Variants in METTL9 observed in about 807,000 individuals in gnomAD.
The protein encoded by METTL9 is protein-L-histidine N-pros-methyltransferase.
In METTL9, 10 loss-of-function variants were observed where a neutral mutation model predicts 36.0. The observed-to-expected ratio is 0.28, with a 90% CI of 0.17 to 0.47. The LOEUF is 0.47. Ranked by LOEUF, METTL9 falls within the 20% of genes least tolerant of loss-of-function variation. The pLI, the probability that METTL9 is intolerant of heterozygous loss-of-function variation, is 0.99. For missense variants in METTL9, 246 were observed against 383.5 expected, an observed-to-expected ratio of 0.64 and a Z score of 3.00; for synonymous variants, 175 against 149.7, an observed-to-expected ratio of 1.17 and a Z score of -1.23.
In METTL9 at chr16:21,617,869, C is replaced by T. The variant is rs757497294; in HGVS notation, c.361C>T (p.Leu121=). ...TTTGTCCTTTTTTTCTTTCAGGTTG[C>T]TAGGAAGAGGCTCAATGTTTGTGTT... The part of the protein sequence containing the change: ...FMSRTSINGL[L]GRGSMFVFSP... Residue 121 remains leucine, a synonymous_variant, in exon 3 of 5, where the codon CTA becomes TTA. Coordinates refer to ENST00000358154, the MANE Select transcript of METTL9 (RefSeq NM_016025.5). 6.2e-7 allele frequency: 1 copy of T among 1,613,676 alleles called. No individual in the cohort carries two copies. The highest frequency in any genetic ancestry group is 2.2e-5 in the East Asian group (1 of 44,838).
rs990122522 is a variant in METTL9, at chr16:21,626,978, T to C, written c.751+1863T>C. On this transcript the variant is annotated intron_variant, in intron 4 of 4. Coordinates refer to ENST00000358154, the MANE Select transcript of METTL9 (RefSeq NM_016025.5). ...AAACTAGACAAGAGGGAAGTCTCCA[T>C]GAAGTGTGGAAAACAAGCTCCTTGA... The C allele has an allele frequency of 6.1e-6, 6 of 985,288 alleles. No individual in the cohort carries two copies. The African/African-American group carries it at 1.0e-4, about 17-fold the overall frequency. The allele number at this position is 985,288 out of a possible 1,614,324, so 61.0% of individuals were successfully genotyped here.
intron 4 of METTL9, chr16:21,647,464 G>A (rs368474150): frequency 1.0e-4 from 163 of 1,613,732 alleles, no homozygotes; most frequent in Non-Finnish European, 1.3e-4. Flanking sequence ...ACGGTTGTGT[G>A]ACAGAGAGAG....
At chr16:21,633,092 A>G (rs1469670042) in intron 4 of METTL9, among the ~76,000 whole-genome samples, 1 of 152,066 alleles carries the variant, frequency 6.6e-6, no homozygotes, top group Non-Finnish European at 1.5e-5. Flanking sequence ...TAGTCAGCAA[A>G]AGCCCGTGAT....
At chr16:21,626,508 G>C (rs1965817961) in intron 4 of METTL9, among the ~76,000 whole-genome samples, 1 of 152,096 alleles carries the variant, frequency 6.6e-6, no homozygotes, top group Non-Finnish European at 1.5e-5. Flanking sequence ...GTTGATAATG[G>C]GGAAAATGGG....
At chr16:21,612,516 T>C (rs1260040505) in intron 1 of METTL9, 129 bp from the exon 2 acceptor site, 1 of 796,908 alleles carries the variant, frequency 1.3e-6, no homozygotes, top group Non-Finnish European at 1.8e-6. Context: ...ATTCTCAGAG[T>C]ATCATGAGAT....
rs1378611022 is a variant in METTL9 at position 21,625,104 on chromosome 16, A to G, written c.740A>G (p.Tyr247Cys). 8 of 1,613,958 alleles carry G rather than the reference A, an allele frequency of 5.0e-6. No individual in the cohort carries two copies. The highest frequency in any genetic ancestry group is 1.7e-5 in the Admixed American group (1 of 59,990). ...GCCCTTGTCCTCCCCTTTCATCCCT[A>G]TGTGGAAAACGGTAAGTGTGGTCAG... ...ILALVLPFHP[Y>C]VENVGGKWEK... The change falls in exon 4 of 5, where the codon TAT (tyrosine) becomes TGT (cysteine). Residue 247 changes from tyrosine to cysteine, a missense_variant. Transcript: ENST00000358154.
intron 2 of METTL9, among the ~76,000 whole-genome samples, chr16:21,613,168 CTTTTTTTTTTT>C (rs57388340): frequency 1.1e-3 from 100 of 91,416 alleles, no homozygotes; most frequent in Non-Finnish European, 1.3e-3. Context: ...TGAGAGTCTG[CTTTTTTTTTTT>C]TTTTTTTTTT....
intron 1 of METTL9, among the ~76,000 whole-genome samples, chr16:21,611,595 G>C (rs914531445): frequency 6.6e-6 from 1 of 152,150 alleles, no homozygotes; most frequent in African/African-American, 2.4e-5. Context: ...TATTATTGTA[G>C]GATTCTCACT....
chr16:21,648,671 G>A (rs1363875030), intron 4 of METTL9, among the ~76,000 whole-genome samples: 3 of 152,184 alleles, frequency 2.0e-5, no homozygotes, highest in Non-Finnish European at 4.4e-5. Context: ...GGAAAGACCC[G>A]CCCTAAACCC....
rs534418839 is a variant in METTL9, at chr16:21,617,815, G to C, written c.357-50G>C. The C allele has an allele frequency of 2.0e-5, 29 of 1,447,844 alleles. No homozygotes were observed. The African/African-American group carries it at 2.5e-4, about 13-fold the overall frequency. The allele number at this position is 1,447,844 out of a possible 1,614,324, so 89.7% of individuals were successfully genotyped here. On this transcript the variant is annotated intron_variant, in intron 2 of 4. Transcript: ENST00000358154. ...ATTCACTTTGTGTGTGTATGTGAGG[G>C]GTGCTTAATTTGCATAGACACTTCC...
chr16:21,613,622 T>G (rs1965486483), intron 2 of METTL9, among the ~76,000 whole-genome samples: 1 of 152,162 alleles, frequency 6.6e-6, no homozygotes, highest in Non-Finnish European at 1.5e-5. Flanking sequence ...GATCTTTGCC[T>G]TAAACATACT....
chr16:21,613,022 C>T (rs545346646), intron 2 of METTL9, among the ~76,000 whole-genome samples, 187 bp downstream of exon 2: 3 of 152,182 alleles, frequency 2.0e-5, no homozygotes, highest in South Asian at 2.1e-4. Context: ...TTCACCATAA[C>T]GTGACAGCCT....
intron 4 of METTL9, among the ~76,000 whole-genome samples, chr16:21,632,899 G>A (rs1375315857): frequency 2.6e-5 from 4 of 152,170 alleles, no homozygotes; most frequent in African/African-American, 7.2e-5. Flanking sequence ...TCTCTGTGAT[G>A]TATAAAGAGA....
At chr16:21,613,457 G>T (rs1038363526) in intron 2 of METTL9, among the ~76,000 whole-genome samples, 1 of 151,992 alleles carries the variant, frequency 6.6e-6, no homozygotes, top group African/African-American at 2.4e-5. Context: ...GGGATTATGG[G>T]TGGGAGCCAC....
rs764146949 is a variant in METTL9, at chr16:21,618,072, C to T, written c.564C>T (p.Tyr188=). The T allele has an allele frequency of 1.3e-6, 2 of 1,553,456 alleles. No homozygotes were observed. Among genetic ancestry groups the T allele is most frequent in the Non-Finnish European group, 1.7e-6 (2 of 1,156,034 alleles). Residue 188 remains tyrosine, a splice_region_variant and synonymous_variant, in exon 3 of 5, where the codon TAC becomes TAT. Coordinates refer to ENST00000358154, the MANE Select transcript of METTL9 (RefSeq NM_016025.5). ...TMIWQLQKKK[Y]RVLGINEWQN... ...TATGGCAGCTTCAGAAAAAGAAATA[C>T]AGGTATAATTTTCTTGGTTTTAGAT...
chr16:21,639,121 A>G (rs1212247617), intron 4 of METTL9, among the ~76,000 whole-genome samples: 5 of 152,232 alleles, frequency 3.3e-5, no homozygotes, highest in East Asian at 1.9e-4. Flanking sequence ...TGAAGTTTGA[A>G]AATATATACT....
intron 3 of METTL9, among the ~76,000 whole-genome samples, chr16:21,623,878 C>G (rs755811420): frequency 8.5e-5 from 13 of 152,128 alleles, no homozygotes; most frequent in African/African-American, 1.2e-4. Flanking sequence ...TCAAGCGATT[C>G]TCCTACCTCA....
chr16:21,605,257 C>CTTTTTTTTTTTTTTTTTTTTTTTT lies in METTL9; in HGVS notation c.165+5375_165+5398dup, dbSNP rs3046231. On this transcript the variant is annotated intron_variant, in intron 1 of 4. Coordinates refer to ENST00000358154, the MANE Select transcript of METTL9 (RefSeq NM_016025.5). ...GGGGTGGTAAAAATAGGCTTGCCTT[C>CTTTTTTTTTTTTTTTTTTTTTTTT]TTTTTTTTTTTTTTTTTTTTTTTTT... 1.2e-4 allele frequency among the ~76,000 whole-genome samples: 6 copies of CTTTTTTTTTTTTTTTTTTTTTTTT among 51,236 alleles called. 1 individual carries two copies. Among genetic ancestry groups the CTTTTTTTTTTTTTTTTTTTTTTTT allele is most frequent in the Admixed American group, 5.9e-4 (2 of 3,400 alleles). 33.6% of individuals were successfully genotyped at this position (51,236 alleles called of 152,430 possible). A position where few individuals can be genotyped will look rare whatever the true frequency, so the allele number is the denominator to read the frequency against.
At position 21,599,699 on chromosome 16, in the gene METTL9, C is replaced by T; in HGVS notation, c.-35C>T. 1 of 1,452,370 alleles carries T rather than the reference C, an allele frequency of 6.9e-7. No individual in the cohort carries two copies. The highest frequency in any genetic ancestry group is 9.0e-7 in the Non-Finnish European group (1 of 1,106,488). The allele number at this position is 1,452,370 out of a possible 1,614,324, so 90.0% of individuals were successfully genotyped here. A position where few individuals can be genotyped will look rare whatever the true frequency, so the allele number is the denominator to read the frequency against. ...GTGCCTCCTCCTCCTCGCCCCGGCG[C>T]CGGCGGTGATCCGAGCGAGCGGCCG... is the stretch of plus-strand genomic sequence containing the variant. On this transcript the variant is annotated 5_prime_UTR_variant, in exon 1 of 5. Coordinates refer to ENST00000358154, the MANE Select transcript of METTL9 (RefSeq NM_016025.5). This position sits in a 1 kb window ranked among gnomAD's most constrained non-coding sequence, Gnocchi z 4.4.
Sources: allele counts gnomAD v4.1 joint callset (sites outside exome capture counted in the v4.1 genomes callset), GRCh38; gene constraint gnomAD v4.1.1; non-coding constraint Gnocchi (gnomAD v3.1); transcripts MANE v1.5; gene names NCBI Gene and HGNC (gene_info 2026-07-23, HGNC 2026-07-21).